The following FAM83D variants were observed in gnomAD, a reference collection of about 807,000 sequenced individuals.
FAM83D encodes the protein scaffolding CK1 anchoring protein D, also known as protein FAM83D.
FAM83D carries 26 observed loss-of-function variants against 25.4 expected under a neutral mutation model. The ratio of observed to expected loss-of-function variants is 1.02; its 90% confidence interval spans 0.75 to 1.42. The LOEUF (loss-of-function observed/expected upper bound fraction) is 1.42, where lower values mean the gene tolerates loss of function less well. Ranked by LOEUF, FAM83D falls within the 40% of genes most tolerant of loss-of-function variation. The pLI, the probability that FAM83D is intolerant of heterozygous loss-of-function variation, is 0.00. For missense variants in FAM83D, 740 were observed against 758.1 expected, an observed-to-expected ratio of 0.98 and a Z score of 0.28; for synonymous variants, 310 against 318.5, an observed-to-expected ratio of 0.97 and a Z score of 0.28.
chr20:38,926,891 A>G lies in FAM83D; in HGVS notation c.449A>G (p.Asp150Gly), dbSNP rs1319722900. The G allele has an allele frequency of 2.0e-6, 3 of 1,490,556 alleles. No individual in the cohort carries two copies. The highest frequency in any genetic ancestry group is 2.7e-6 in the Non-Finnish European group (3 of 1,124,076). The allele number at this position is 1,490,556 out of a possible 1,614,324, so 92.3% of individuals were successfully genotyped here. The change falls in exon 1 of 4, where the codon GAC becomes GGC. Residue 150 changes from aspartate to glycine, a missense_variant. Physicochemically the swap from Asp to Gly is moderately conservative, Grantham distance 94 (BLOSUM62 -1). Transcript: ENST00000619850. Reference protein sequence around the residue: ...AGEGGPYGCKDALRQQLRSAR... With the variant: ...AGEGGPYGCKGALRQQLRSAR... ...GAAGGTGGCCCCTACGGCTGCAAGG[A>G]CGCTCTGCGCCAGCAGCTCCGCTCG...
intron 2 of FAM83D, among the ~76,000 whole-genome samples, chr20:38,947,448 G>T (rs2085733027): frequency 1.3e-5 from 2 of 152,202 alleles, no homozygotes. Context: ...AAACAAGTTG[G>T]AGGAAGATCA....
chr20:38,942,517 A>G (rs1471324374), intron 2 of FAM83D, among the ~76,000 whole-genome samples: 3 of 152,242 alleles, frequency 2.0e-5, no homozygotes, highest in Non-Finnish European at 4.4e-5. Context: ...GCATGGATGA[A>G]CCTGCAAACG....
At chr20:38,950,896 C>T (rs573469863) in intron 3 of FAM83D, among the ~76,000 whole-genome samples, 11 of 152,130 alleles carry the variant, frequency 7.2e-5, no homozygotes, top group South Asian at 6.2e-4. Context: ...CTCAGCTTAC[C>T]GCAACCTCTG....
chr20:38,927,687 C>G lies in FAM83D; in HGVS notation c.483+762C>G, dbSNP rs535046365. 2.6e-5 allele frequency among the ~76,000 whole-genome samples: 4 copies of G among 151,896 alleles called. No homozygotes were observed. In the South Asian group the frequency reaches 8.3e-4, roughly 32 times the overall value. On this transcript the variant is annotated intron_variant, in intron 1 of 3. Coordinates refer to ENST00000619850, the MANE Select transcript of FAM83D (RefSeq NM_030919.3). ...CTAATTTTTGTATTTTTAGTAGAGACGGGGTTTCTCCATGTTGGCCAAGCT... is the reference window on the plus strand; with the variant it reads ...CTAATTTTTGTATTTTTAGTAGAGAGGGGGTTTCTCCATGTTGGCCAAGCT...
At chr20:38,946,649 C>T (rs2085729874) in intron 2 of FAM83D, among the ~76,000 whole-genome samples, 2 of 152,192 alleles carry the variant, frequency 1.3e-5, no homozygotes, top group Admixed American at 1.3e-4. Context: ...TTGTCGTTTA[C>T]AGTCTATTTT....
intron 1 of FAM83D, among the ~76,000 whole-genome samples, chr20:38,940,460 C>G (rs1276757020): frequency 1.3e-5 from 2 of 152,172 alleles, no homozygotes; most frequent in African/African-American, 4.8e-5. Context: ...AGAAATGACT[C>G]AATCCCATTC....
At chr20:38,932,964 G>A (rs1471714205) in intron 1 of FAM83D, among the ~76,000 whole-genome samples, 2 of 152,202 alleles carry the variant, frequency 1.3e-5, no homozygotes, top group Non-Finnish European at 2.9e-5. Context: ...TTAGGAATCT[G>A]TTGGGGGCCC....
At chr20:38,938,712 A>G (rs58360455) in intron 1 of FAM83D, among the ~76,000 whole-genome samples, 3,192 of 152,118 alleles carry the variant, frequency 0.021, 124 homozygotes, top group African/African-American at 0.073. Context: ...TCCTCAGCCC[A>G]TGTCGCCCAC....
intron 1 of FAM83D, among the ~76,000 whole-genome samples, chr20:38,936,274 C>T (rs1259551701): frequency 6.6e-6 from 1 of 152,114 alleles, no homozygotes; most frequent in Non-Finnish European, 1.5e-5. Flanking sequence ...TGGGGCTGCA[C>T]ATGTGCCTGG....
Position 38,926,850 on chromosome 20 carries a change from GC to G in FAM83D, c.412del (p.Arg138AlafsTer25). The stretch of plus-strand genomic sequence containing the variant: ...CCACGCGTGTCGAGACGCACTTCCA[GC>G]CCCGCGGCGCTGGCGAAGGTGGCCC... ...GATRVETHFQ[P>X]RGAGEGGPYG... On this transcript the variant is annotated frameshift_variant, in exon 1 of 4. Transcript: ENST00000619850. LOFTEE classifies it high-confidence loss of function. 1 of 1,524,818 alleles carries G rather than the reference GC, an allele frequency of 6.6e-7. No homozygotes were observed. The allele number at this position is 1,524,818 out of a possible 1,614,324, so 94.5% of individuals were successfully genotyped here.
At chr20:38,942,397 A>C (rs1013750744) in intron 2 of FAM83D, among the ~76,000 whole-genome samples, 3 of 152,246 alleles carry the variant, frequency 2.0e-5, no homozygotes, top group Non-Finnish European at 4.4e-5. Context: ...CAAAGAGTGG[A>C]AACAATCCAA....
At chr20:38,948,501 T>A (rs2085739246) in intron 3 of FAM83D, among the ~76,000 whole-genome samples, 2 of 152,198 alleles carry the variant, frequency 1.3e-5, no homozygotes, top group African/African-American at 4.8e-5. Flanking sequence ...AAATACTGAT[T>A]ATGTTTCTGA....
At chr20:38,938,621 C>T (rs1261271344) in intron 1 of FAM83D, among the ~76,000 whole-genome samples, 2 of 152,190 alleles carry the variant, frequency 1.3e-5, no homozygotes, top group Non-Finnish European at 2.9e-5. Flanking sequence ...CCTCAAAATC[C>T]GTTTCGAAGC....
intron 1 of FAM83D, among the ~76,000 whole-genome samples, chr20:38,940,317 C>T (rs2145804227): frequency 6.6e-6 from 1 of 152,244 alleles, no homozygotes; most frequent in Non-Finnish European, 1.5e-5. Flanking sequence ...GTCTCACATC[C>T]TAGTAGACCA....
In FAM83D at chr20:38,952,064, G is replaced by A. The variant is rs758455015; in HGVS notation, c.1302G>A (p.Thr434=). 6 of 1,614,216 alleles carry A rather than the reference G, an allele frequency of 3.7e-6. No individual in the cohort carries two copies. Among genetic ancestry groups the A allele is most frequent in the South Asian group, 2.2e-5 (2 of 91,088 alleles). The change falls in exon 4 of 4, where the codon ACG becomes ACA. Residue 434 remains threonine (T), a synonymous_variant. Coordinates refer to ENST00000619850, the MANE Select transcript of FAM83D (RefSeq NM_030919.3). ...CCAGGATAGCAAGCTCTCAAACCAC[G>A]ATTTGGTCCAGATCGACCACTACTC... The part of the protein sequence containing the change: ...VITRIASSQT[T]IWSRSTTTQT...
At chr20:38,946,133 C>T (rs1481204738) in intron 2 of FAM83D, among the ~76,000 whole-genome samples, 1 of 140,952 alleles carries the variant, frequency 7.1e-6, no homozygotes, top group Non-Finnish European at 1.5e-5. Flanking sequence ...TTGCTTGAAC[C>T]TGGGAGATGG....
intron 1 of FAM83D, 77 bp downstream of exon 1, chr20:38,927,002 C>T: frequency 5.7e-6 from 8 of 1,398,748 alleles, no homozygotes; most frequent in Non-Finnish European, 7.4e-6. Flanking sequence ...GCTGGGAGTA[C>T]GGGCCGGGGC....
At position 38,952,149 on chromosome 20, in the gene FAM83D, C is replaced by A. The variant is rs2085758488; in HGVS notation, c.1387C>A (p.Pro463Thr). The A allele has an allele frequency of 6.2e-7, 1 of 1,614,054 alleles. No homozygotes were observed. Among genetic ancestry groups the A allele is most frequent in the African/African-American group, 1.3e-5 (1 of 74,908 alleles). Residue 463 changes from proline (P) to threonine (T), a missense_variant, in exon 4 of 4, where the codon CCA (proline) becomes ACA (threonine). Around this residue, in one of 3 missense-constraint regions of FAM83D, gnomAD observed 375 missense variants for 403.2 expected, o/e 0.93. Transcript: ENST00000619850. The part of the protein sequence containing the change: ...PRGTQSTEGS[P>T]VSKMSVSRSS... ...AGGAACTCAATCTACAGAAGGGTCA[C>A]CAGTCTCAAAAATGTCTGTATCGAG...
At chr20:38,946,920 T>C (rs1269601510) in intron 2 of FAM83D, among the ~76,000 whole-genome samples, 3 of 152,232 alleles carry the variant, frequency 2.0e-5, no homozygotes, top group African/African-American at 7.2e-5. Context: ...GATGCTGTTA[T>C]GTGTTACTGT....
Sources: allele counts gnomAD v4.1 joint callset (sites outside exome capture counted in the v4.1 genomes callset), GRCh38; gene constraint gnomAD v4.1.1; regional missense constraint gnomAD v4.1.1; transcripts MANE v1.5; gene names NCBI Gene and HGNC (gene_info 2026-07-23, HGNC 2026-07-21).